The following HHLA2 variants were observed in gnomAD, a reference collection of about 807,000 sequenced individuals.
HHLA2 encodes the protein HERV-H LTR-associating protein 2.
Under a neutral mutation model 45.9 loss-of-function variants are expected in HHLA2, and 48 were observed. The ratio of observed to expected loss-of-function variants is 1.05; its 90% CI spans 0.83 to 1.33. The LOEUF (loss-of-function observed/expected upper bound fraction) is 1.33. HHLA2 is among the 40% of genes most tolerant of loss of function. HHLA2 has a pLI of 0.00. For synonymous variants in HHLA2, 161 were observed against 173.9 expected (o/e 0.93, Z 0.59); for missense variants, 462 against 494.3 (o/e 0.93, Z 0.62).
chr3:108,320,581 T>C (rs990337367), intron 2 of HHLA2, among the ~76,000 whole-genome samples: 21 of 152,192 alleles, frequency 1.4e-4, no homozygotes, highest in African/African-American at 4.6e-4. Flanking sequence ...GTTTTCTTCA[T>C]AGTTTTCATA....
At chr3:108,307,934 C>T (rs141566455) in intron 1 of HHLA2, among the ~76,000 whole-genome samples, 1,638 of 152,124 alleles carry the variant, frequency 0.011, 31 homozygotes, top group African/African-American at 0.037. Context: ...TGTTTTAATA[C>T]ATGCATGCAA....
chr3:108,374,633 G>GA (rs1433164398), intron 8 of HHLA2, among the ~76,000 whole-genome samples: 2 of 151,132 alleles, frequency 1.3e-5, no homozygotes, highest in African/African-American at 2.4e-5. Flanking sequence ...AAATTTACAA[G>GA]AAAAAAACAA....
intron 3 of HHLA2, among the ~76,000 whole-genome samples, chr3:108,329,589 G>C: frequency 6.6e-6 from 1 of 152,118 alleles, no homozygotes; most frequent in East Asian, 1.9e-4. Flanking sequence ...GAATGTATTG[G>C]CTCATGATAC....
chr3:108,365,619 G>T (rs2082051175), intron 8 of HHLA2, among the ~76,000 whole-genome samples: 1 of 151,024 alleles, frequency 6.6e-6, no homozygotes, highest in Non-Finnish European at 1.5e-5. Context: ...TCATAAGTAT[G>T]AAATTTTTTT....
chr3:108,319,685 G>A (rs561919355), intron 2 of HHLA2, among the ~76,000 whole-genome samples: 6 of 152,124 alleles, frequency 3.9e-5, no homozygotes, highest in East Asian at 1.9e-4. Flanking sequence ...CTGCTCTTGC[G>A]GTTTCTATCA....
intron 2 of HHLA2, among the ~76,000 whole-genome samples, chr3:108,318,604 G>A (rs1019353739): frequency 5.9e-5 from 9 of 151,450 alleles, no homozygotes; most frequent in East Asian, 1.9e-4. Context: ...CTTTTTCTTC[G>A]TATTATACTA....
At chr3:108,372,600 AAG>A (rs1341508915) in intron 8 of HHLA2, among the ~76,000 whole-genome samples, 1 of 152,002 alleles carries the variant, frequency 6.6e-6, no homozygotes, top group Non-Finnish European at 1.5e-5. Flanking sequence ...TAAAGAAGAA[AAG>A]AGAGAAGAAT....
At chr3:108,354,240 T>C (rs1237526872) in intron 5 of HHLA2, among the ~76,000 whole-genome samples, 1 of 152,142 alleles carries the variant, frequency 6.6e-6, no homozygotes, top group Non-Finnish European at 1.5e-5. Flanking sequence ...TTTCCTTCTC[T>C]GTATTAGCTA....
At chr3:108,353,374 G>C (rs1560248444) in intron 4 of HHLA2, 53 bp from the exon 4 acceptor site, 3 of 1,209,908 alleles carry the variant, frequency 2.5e-6, no homozygotes, top group Non-Finnish European at 3.5e-6. Context: ...GTATAATCCT[G>C]AACAAGCACA....
chr3:108,369,788 C>T (rs1338098999), intron 8 of HHLA2, among the ~76,000 whole-genome samples: 1 of 152,218 alleles, frequency 6.6e-6, no homozygotes, highest in Non-Finnish European at 1.5e-5. Flanking sequence ...ATTGCCGAGG[C>T]TTGAGTAGGT....
At chr3:108,354,308 A>T (rs974411755) in intron 5 of HHLA2, among the ~76,000 whole-genome samples, 11 of 151,986 alleles carry the variant, frequency 7.2e-5, no homozygotes, top group African/African-American at 2.7e-4. Flanking sequence ...ACATACAGTT[A>T]TATACAGTTA....
chr3:108,367,124 A>G (rs2082078168), intron 8 of HHLA2, among the ~76,000 whole-genome samples: 1 of 152,210 alleles, frequency 6.6e-6, no homozygotes, highest in African/African-American at 2.4e-5. Context: ...CCTGACTGTT[A>G]GAAGAAAAAC....
At chr3:108,338,291 T>C (rs2081509040) in intron 3 of HHLA2, among the ~76,000 whole-genome samples, 1 of 152,010 alleles carries the variant, frequency 6.6e-6, no homozygotes, top group Admixed American at 6.6e-5. Context: ...GGTGAAATTG[T>C]AGGAGATATG....
chr3:108,306,788 A>G (rs62266175), intron 1 of HHLA2, among the ~76,000 whole-genome samples: 2,791 of 151,864 alleles, frequency 0.018, 44 homozygotes, highest in Non-Finnish European at 0.023. Context: ...TTTGACTTCA[A>G]CCTTTTCCAT....
intron 3 of HHLA2, among the ~76,000 whole-genome samples, chr3:108,329,336 G>A (rs940944578): frequency 1.3e-5 from 2 of 152,120 alleles, no homozygotes. Flanking sequence ...ACTGAGTCGT[G>A]AAACTGATCC....
At chr3:108,374,578 C>T (rs2082239241) in intron 8 of HHLA2, among the ~76,000 whole-genome samples, 1 of 151,866 alleles carries the variant, frequency 6.6e-6, no homozygotes, top group Admixed American at 6.6e-5. Flanking sequence ...GCAACCTACT[C>T]ATCTGACAAA....
intron 1 of HHLA2, among the ~76,000 whole-genome samples, 197 bp from the exon 2 acceptor site, chr3:108,310,458 T>C (rs961488358): frequency 6.6e-6 from 1 of 152,196 alleles, no homozygotes. Flanking sequence ...GGCTTAATTG[T>C]TAATTTTTTT....
chr3:108,368,064 A>G (rs549708061), intron 8 of HHLA2, among the ~76,000 whole-genome samples: 1 of 152,292 alleles, frequency 6.6e-6, no homozygotes, highest in South Asian at 2.1e-4. Context: ...TAACATTCTT[A>G]AAGAAGAGAA....
chr3:108,333,921 A>G (rs1387990556), intron 3 of HHLA2, among the ~76,000 whole-genome samples: 1 of 152,178 alleles, frequency 6.6e-6, no homozygotes, highest in Non-Finnish European at 1.5e-5. Context: ...GGACACATGT[A>G]TCTGTGTGTC....
Sources: gnomAD v4.1 joint callset for allele counts (sites outside exome capture counted in the v4.1 genomes callset) on GRCh38, gnomAD v4.1.1 for gene constraint, MANE v1.5 for transcripts, NCBI Gene and HGNC (gene_info 2026-07-23, HGNC 2026-07-21) for gene names.